METTL15: variants seen among roughly 807,000 people sequenced by gnomAD.
METTL15 encodes the protein methyltransferase 15, mitochondrial 12S rRNA N4-cytidine, also known as 12S rRNA N(4)-cytidine methyltransferase METTL15.
METTL15 carries 34 observed loss-of-function variants against 38.3 expected under a neutral mutation model. That is an observed-to-expected ratio of 0.89 (90% confidence interval 0.68 to 1.18). METTL15 has a LOEUF of 1.18. Ranked by LOEUF, METTL15 falls within the 50% of genes most tolerant of loss-of-function variation. The pLI is 0.00. For synonymous variants in METTL15, 162 were observed against 170.9 expected (o/e 0.95, Z 0.41); for missense variants, 438 against 498.4 (o/e 0.88, Z 1.15).
intron 4 of METTL15, 141 bp downstream of exon 4, chr11:28,211,339 T>G: frequency 1.5e-6 from 1 of 655,282 alleles, no homozygotes; most frequent in Non-Finnish European, 2.3e-6. Flanking sequence ...CCAAAAAGAA[T>G]TAATGTAAGT....
chr11:28,185,752 C>A (rs951091746), intron 3 of METTL15, among the ~76,000 whole-genome samples: 8 of 150,834 alleles, frequency 5.3e-5, no homozygotes, highest in African/African-American at 1.9e-4. Flanking sequence ...TTTATTTATT[C>A]ACTTAATAAA....
chr11:28,420,914 C>A (rs1319549066), intron 5 of METTL15, among the ~76,000 whole-genome samples: 1 of 151,750 alleles, frequency 6.6e-6, no homozygotes, highest in Non-Finnish European at 1.5e-5. Context: ...AAAAGATAAA[C>A]TAAAAGTTGT....
At chr11:28,343,359 C>CTTA (rs1849970073) in intron 3 of METTL15, among the ~76,000 whole-genome samples, 3 of 152,120 alleles carry the variant, frequency 2.0e-5, no homozygotes, top group Admixed American at 6.6e-5. Flanking sequence ...TTCAAAATCC[C>CTTA]TTTGAAATGT....
chr11:28,324,088 A>G (rs550921356), intron 6 of METTL15, among the ~76,000 whole-genome samples: 11 of 152,186 alleles, frequency 7.2e-5, no homozygotes, highest in Non-Finnish European at 1.3e-4. Flanking sequence ...ATTAGCCTTT[A>G]ATTTCCTTTT....
At chr11:28,221,726 G>T (rs974574687) in intron 4 of METTL15, among the ~76,000 whole-genome samples, 4 of 152,076 alleles carry the variant, frequency 2.6e-5, no homozygotes, top group African/African-American at 9.7e-5. Flanking sequence ...TACAGATGGG[G>T]TTTTGGTGTG....
intron 3 of METTL15, among the ~76,000 whole-genome samples, chr11:28,118,207 A>G (rs16917753): frequency 0.15 from 23,213 of 151,968 alleles, 1,919 homozygotes; most frequent in East Asian, 0.28. Context: ...TTTCTTTAAT[A>G]CTTGAAAGGT....
In METTL15 at chr11:28,332,068, CTA is replaced by C. The variant is rs1466478928; in HGVS notation, c.*1229_*1230del. The C allele has an allele frequency of 3.3e-5, 5 of 150,680 alleles. No homozygotes were observed. The highest frequency in any genetic ancestry group is 1.2e-4 in the African/African-American group (5 of 40,742). 9.3% of individuals were successfully genotyped at this position (150,680 alleles called of 1,614,324 possible). A position where few individuals can be genotyped will look rare whatever the true frequency, so the allele number is the denominator to read the frequency against. On this transcript the variant is annotated 3_prime_UTR_variant, in exon 7 of 7. Transcript: ENST00000407364. ...CCAAGTGAATGAAATATCAGCATAA[CTA>C]TGTGGGCAAAATAGATAGAATTAAA...
intron 3 of METTL15, among the ~76,000 whole-genome samples, chr11:28,157,860 G>C (rs1031087724): frequency 6.6e-6 from 1 of 152,162 alleles, no homozygotes. Context: ...CGGAAGAGAA[G>C]ACTAGAGCCT....
intron 4 of METTL15, among the ~76,000 whole-genome samples, chr11:28,228,317 T>G (rs984637006): frequency 6.6e-6 from 1 of 150,904 alleles, no homozygotes; most frequent in Non-Finnish European, 1.5e-5. Context: ...ACTTCAGCTC[T>G]GCTATTTACT....
intron 5 of METTL15, among the ~76,000 whole-genome samples, chr11:28,382,408 G>T (rs1383246246): frequency 6.6e-6 from 1 of 152,084 alleles, no homozygotes; most frequent in South Asian, 2.1e-4. Context: ...GGTATCCCAT[G>T]AAAAAACCCA....
intron 4 of METTL15, among the ~76,000 whole-genome samples, chr11:28,223,075 A>G (rs947048567): frequency 2.6e-5 from 4 of 152,186 alleles, no homozygotes; most frequent in African/African-American, 7.2e-5. Flanking sequence ...ATCTTTTAAT[A>G]TAAAACACAT....
intron 6 of METTL15, among the ~76,000 whole-genome samples, chr11:28,497,691 C>G (rs1442273201): frequency 6.6e-6 from 1 of 152,144 alleles, no homozygotes; most frequent in Non-Finnish European, 1.5e-5. Context: ...ATGGCATCCT[C>G]TAGAGCAGAC....
chr11:28,521,629 G>A (rs1440222928), intron 6 of METTL15, among the ~76,000 whole-genome samples: 2 of 152,030 alleles, frequency 1.3e-5, no homozygotes, highest in Non-Finnish European at 2.9e-5. Context: ...CTCCAGCGCT[G>A]ACCTTGGGCT....
chr11:28,409,184 C>A (rs141810103), intron 5 of METTL15, among the ~76,000 whole-genome samples: 7 of 151,878 alleles, frequency 4.6e-5, no homozygotes, highest in African/African-American at 1.7e-4. Context: ...AGATCGAGAC[C>A]ATCCTGGCTA....
intron 5 of METTL15, among the ~76,000 whole-genome samples, chr11:28,391,191 T>A (rs1037283989): frequency 6.6e-6 from 1 of 152,056 alleles, no homozygotes; most frequent in Non-Finnish European, 1.5e-5. Flanking sequence ...ACAATTTGAC[T>A]TCCTCTTTTC....
intron 3 of METTL15, among the ~76,000 whole-genome samples, chr11:28,339,533 C>CA (rs147944774): frequency 0.22 from 25,339 of 117,672 alleles, 2,409 homozygotes; most frequent in East Asian, 0.33. Flanking sequence ...AAAGAGAATG[C>CA]AAAAAAAAAA....
At chr11:28,181,251 A>C (rs1431566900) in intron 3 of METTL15, among the ~76,000 whole-genome samples, 5 of 117,028 alleles carry the variant, frequency 4.3e-5, no homozygotes, top group Non-Finnish European at 9.5e-5. Context: ...TTATTTATTT[A>C]ATTTTTAATT....
chr11:28,359,541 C>CAGTA (rs1225163214), intron 4 of METTL15, among the ~76,000 whole-genome samples: 1 of 152,178 alleles, frequency 6.6e-6, no homozygotes, highest in Non-Finnish European at 1.5e-5. Flanking sequence ...TTCCCACCAA[C>CAGTA]AGTATATAAT....
intron 3 of METTL15, among the ~76,000 whole-genome samples, chr11:28,208,770 A>G (rs1288729853): frequency 1.3e-5 from 2 of 151,826 alleles, no homozygotes; most frequent in African/African-American, 4.8e-5. Flanking sequence ...ACAGATTTTA[A>G]ACTGTGGTCT....
Sources: gnomAD v4.1 joint callset for allele counts (sites outside exome capture counted in the v4.1 genomes callset) on GRCh38, gnomAD v4.1.1 for gene constraint, MANE v1.5 for transcripts, NCBI Gene and HGNC (gene_info 2026-07-23, HGNC 2026-07-21) for gene names.